Variants in TSPAN7 observed in about 807,000 individuals in gnomAD.
The protein encoded by TSPAN7 is tetraspanin 7.
Under a neutral mutation model 17.6 loss-of-function variants are expected in TSPAN7, and 1 was observed. That is an observed-to-expected ratio of 0.06 (90% confidence interval 0.02 to 0.27). The LOEUF is 0.27. TSPAN7 is among the 10% of genes least tolerant of loss of function. TSPAN7 has a pLI of 1.00. For synonymous variants in TSPAN7, 78 were observed against 79.0 expected (o/e 0.99, Z 0.07); for missense variants, 112 against 201.7 (o/e 0.56, Z 2.69).
intron 1 of TSPAN7, among the ~76,000 whole-genome samples, chrX:38,660,829 C>CT (rs1364534048): frequency 1.8e-5 from 2 of 111,295 alleles, no homozygotes; most frequent in African/African-American, 6.5e-5. Context: ...TTTCTGTTGT[C>CT]TTTTTTTTCT....
intron 1 of TSPAN7, among the ~76,000 whole-genome samples, chrX:38,622,003 C>T (rs12012836): frequency 0.038 from 4,287 of 112,110 alleles, 224 homozygotes; most frequent in African/African-American, 0.13. Context: ...GGCTAATAAT[C>T]CACAAATATC....
chrX:38,595,134 C>T (rs187638200), intron 1 of TSPAN7, among the ~76,000 whole-genome samples: 18 of 111,342 alleles, frequency 1.6e-4, no homozygotes, highest in African/African-American at 5.5e-4. Context: ...GTGCAGATTC[C>T]TAAAAGTGGG....
intron 1 of TSPAN7, among the ~76,000 whole-genome samples, chrX:38,587,510 C>A (rs1160528769): frequency 9.0e-6 from 1 of 111,657 alleles, no homozygotes; most frequent in African/African-American, 3.3e-5. Flanking sequence ...AATATGCATT[C>A]ATTAAATAAT....
intron 1 of TSPAN7, among the ~76,000 whole-genome samples, chrX:38,615,672 G>A (rs1444115887): frequency 2.7e-5 from 3 of 112,315 alleles, no homozygotes; most frequent in Non-Finnish European, 5.6e-5. Context: ...CATATCCCAT[G>A]AGTATTTTAT....
At chrX:38,678,351 G>A (rs1218958170) in intron 5 of TSPAN7, among the ~76,000 whole-genome samples, 1 of 112,219 alleles carries the variant, frequency 8.9e-6, no homozygotes, top group African/African-American at 3.2e-5. Context: ...ACTTGCAGAT[G>A]TTTTCCATTG....
At chrX:38,654,074 G>A (rs1046653076) in intron 1 of TSPAN7, among the ~76,000 whole-genome samples, 1 of 111,932 alleles carries the variant, frequency 8.9e-6, no homozygotes, top group African/African-American at 3.2e-5. Flanking sequence ...AAAGGGTTGA[G>A]GAGAAAGAAC....
At chrX:38,568,320 G>C (rs1242488626) in intron 1 of TSPAN7, among the ~76,000 whole-genome samples, 1 of 106,446 alleles carries the variant, frequency 9.4e-6, no homozygotes, top group African/African-American at 3.4e-5. Flanking sequence ...CATTTTGGTA[G>C]AGCAAGTTTA....
At chrX:38,584,507 CTTA>C (rs1385754469) in intron 1 of TSPAN7, among the ~76,000 whole-genome samples, 1 of 111,560 alleles carries the variant, frequency 9.0e-6, no homozygotes. Context: ...ACTCATTTCT[CTTA>C]TCCAAATTGA....
At chrX:38,580,373 AAAAT>A (rs1303608488) in intron 1 of TSPAN7, among the ~76,000 whole-genome samples, 2 of 112,418 alleles carry the variant, frequency 1.8e-5, no homozygotes, top group East Asian at 5.5e-4. Context: ...ACTTAGCAAA[AAAAT>A]AAATAAACTT....
At chrX:38,657,356 C>T (rs773099022) in intron 1 of TSPAN7, among the ~76,000 whole-genome samples, 2 of 111,496 alleles carry the variant, frequency 1.8e-5, no homozygotes, top group East Asian at 2.8e-4. Flanking sequence ...AGATCTTTAC[C>T]GTGTTCAGAT....
chrX:38,620,308 C>G (rs1393803511), intron 1 of TSPAN7, among the ~76,000 whole-genome samples: 1 of 111,965 alleles, frequency 8.9e-6, no homozygotes. Flanking sequence ...CTCATGGGAG[C>G]AGATGGGATG....
intron 1 of TSPAN7, among the ~76,000 whole-genome samples, chrX:38,567,490 A>G (rs1390823165): frequency 8.9e-6 from 1 of 112,339 alleles, no homozygotes; most frequent in African/African-American, 3.2e-5. Flanking sequence ...CCCTCCCACA[A>G]CAAGTGGGAA....
At chrX:38,571,141 T>C (rs1228057481) in intron 1 of TSPAN7, among the ~76,000 whole-genome samples, 2 of 111,358 alleles carry the variant, frequency 1.8e-5, no homozygotes, top group African/African-American at 3.3e-5. Context: ...TTCTGCAAGA[T>C]ATAGTGGGAT....
intron 1 of TSPAN7, among the ~76,000 whole-genome samples, chrX:38,617,165 A>G (rs745666247): frequency 9.0e-6 from 1 of 111,697 alleles, no homozygotes. Flanking sequence ...TGGTTTTCCC[A>G]CTTTCTCGTG....
intron 1 of TSPAN7, among the ~76,000 whole-genome samples, chrX:38,640,037 A>T (rs1427401973): frequency 8.9e-6 from 1 of 111,904 alleles, no homozygotes; most frequent in Admixed American, 9.5e-5. Context: ...ACTACAATGG[A>T]TCTGTCCCAT....
chrX:38,588,966 C>T (rs1215358210), intron 1 of TSPAN7, among the ~76,000 whole-genome samples: 4 of 112,060 alleles, frequency 3.6e-5, no homozygotes, highest in Non-Finnish European at 7.5e-5. Flanking sequence ...CTCTACTCTT[C>T]TTCACTGCGT....
intron 1 of TSPAN7, among the ~76,000 whole-genome samples, chrX:38,617,334 C>T (rs748380767): frequency 3.5e-4 from 39 of 112,556 alleles, no homozygotes; most frequent in Non-Finnish European, 6.8e-4. Flanking sequence ...AAGTTATAAG[C>T]AGTTCAAAGG....
intron 2 of TSPAN7, among the ~76,000 whole-genome samples, chrX:38,667,457 G>A (rs2069790521): frequency 8.9e-6 from 1 of 112,050 alleles, no homozygotes; most frequent in African/African-American, 3.2e-5. Flanking sequence ...TTCCATCAGG[G>A]CCATGTTGCC....
At chrX:38,615,460 C>G (rs1282722118) in intron 1 of TSPAN7, among the ~76,000 whole-genome samples, 1 of 111,495 alleles carries the variant, frequency 9.0e-6, no homozygotes, top group Non-Finnish European at 1.9e-5. Flanking sequence ...TAGAGAGAAC[C>G]CTTTTCATTT....
Sources: gnomAD v4.1 joint callset for allele counts (sites outside exome capture counted in the v4.1 genomes callset) on GRCh38, gnomAD v4.1.1 for gene constraint, MANE v1.5 for transcripts, NCBI Gene and HGNC (gene_info 2026-07-23, HGNC 2026-07-21) for gene names.